Variants in GSE1 observed in about 807,000 individuals in gnomAD.
The protein encoded by GSE1 is Gse1 coiled-coil protein.
GSE1 carries 32 observed loss-of-function variants against 112.6 expected under a neutral mutation model. The ratio of observed to expected loss-of-function variants is 0.28; its 90% CI spans 0.21 to 0.38. The LOEUF is 0.38. Ranked by LOEUF, GSE1 falls within the 10% of genes least tolerant of loss-of-function variation. The pLI, the probability that GSE1 is intolerant of heterozygous loss-of-function variation, is 1.00. For synonymous variants in GSE1, 1,115 were observed against 735.6 expected (o/e 1.52, Z -8.35); for missense variants, 2,348 against 1,699.2 (o/e 1.38, Z -6.71).
intron 2 of GSE1, among the ~76,000 whole-genome samples, chr16:85,444,145 C>T (rs2049450250): frequency 6.6e-6 from 1 of 152,074 alleles, no homozygotes; most frequent in Non-Finnish European, 1.5e-5. Context: ...CCACCAAGTC[C>T]AGCTAATTTT....
At position 85,408,004 on chromosome 16, in the gene GSE1, T is replaced by C. The variant is rs370187698; in HGVS notation, c.2464+50361T>C. 3.4e-3 allele frequency among the ~76,000 whole-genome samples: 136 copies of C among 40,472 alleles called. 3 individuals carry two copies. The highest frequency in any genetic ancestry group is 7.3e-3 in the African/African-American group (61 of 8,350). 26.6% of individuals were successfully genotyped at this position (40,472 alleles called of 152,430 possible). A position where few individuals can be genotyped will look rare whatever the true frequency, so the allele number is the denominator to read the frequency against. The stretch of plus-strand genomic sequence containing the variant: ...CCTCACTGTTACACTCAGGGCCCCC[T>C]GGATAATCCTCACTGTTACACTCAG... On this transcript the variant is annotated intron_variant, in intron 2 of 2. Transcript: ENST00000637419.
intron 1 of GSE1, among the ~76,000 whole-genome samples, chr16:85,300,922 G>T (rs1205412322): frequency 6.6e-6 from 1 of 152,204 alleles, no homozygotes; most frequent in Non-Finnish European, 1.5e-5. Context: ...TGGGGGGAGT[G>T]GGGACTGGGG....
intron 1 of GSE1, among the ~76,000 whole-genome samples, chr16:85,238,666 G>A (rs905075452): frequency 2.7e-4 from 41 of 152,202 alleles, no homozygotes; most frequent in Admixed American, 2.5e-3. Flanking sequence ...GGCTCCAGGC[G>A]GCTTGCCGCA....
chr16:85,336,363 C>A (rs541199564), intron 1 of GSE1, among the ~76,000 whole-genome samples: 17 of 152,340 alleles, frequency 1.1e-4, no homozygotes, highest in African/African-American at 3.6e-4. Context: ...AAGGAGCTCC[C>A]GGCCTAAGCA....
chr16:85,478,270 T>C (rs1375519514), intron 2 of GSE1, among the ~76,000 whole-genome samples: 1 of 152,088 alleles, frequency 6.6e-6, no homozygotes, highest in Non-Finnish European at 1.5e-5. Flanking sequence ...CTCATGCCTG[T>C]CATCGCAGCA....
intron 2 of GSE1, among the ~76,000 whole-genome samples, chr16:85,644,341 CT>C (rs2050681457): frequency 8.9e-6 from 1 of 112,912 alleles, no homozygotes; most frequent in African/African-American, 3.8e-5. Context: ...GAGATCCTGT[CT>C]CAAAAAAAAA....
At chr16:85,497,432 C>T (rs926996331) in intron 2 of GSE1, among the ~76,000 whole-genome samples, 4 of 152,204 alleles carry the variant, frequency 2.6e-5, no homozygotes, top group African/African-American at 9.7e-5. Context: ...TCCAGGGGCC[C>T]ACGGGATGGT....
chr16:85,601,718 CACA>C (rs1343229881), intron 1 of GSE1, among the ~76,000 whole-genome samples: 2 of 152,168 alleles, frequency 1.3e-5, no homozygotes, highest in Admixed American at 6.5e-5. Flanking sequence ...AGGACATAAA[CACA>C]ACAAGAGCCG....
In GSE1 at chr16:85,613,363, C is replaced by A; in HGVS notation, c.-29C>A. 1 of 1,569,644 alleles carries A rather than the reference C, an allele frequency of 6.4e-7. No homozygotes were observed. The highest frequency in any genetic ancestry group is 1.8e-5 in the Admixed American group (1 of 54,346). ...GGGCGACGGTGGCTCCAGCATGTAT[C>A]AGCCGAGGTGGAGCTGCGGGGCCCT... On this transcript the variant is annotated 5_prime_UTR_variant, in exon 1 of 16. Transcript: ENST00000253458.
At chr16:85,300,304 G>A (rs530822478) in intron 1 of GSE1, among the ~76,000 whole-genome samples, 5 of 152,246 alleles carry the variant, frequency 3.3e-5, no homozygotes, top group African/African-American at 1.2e-4. Context: ...GAGCCACTGC[G>A]CCCAGCCCAT....
chr16:85,518,207 T>TG (rs1416376959), intron 2 of GSE1, among the ~76,000 whole-genome samples: 1 of 152,172 alleles, frequency 6.6e-6, no homozygotes, highest in Non-Finnish European at 1.5e-5. Flanking sequence ...GACGCCTTGG[T>TG]GGGGGGCTTT....
At chr16:85,345,009 C>A (rs2046704260) in intron 1 of GSE1, among the ~76,000 whole-genome samples, 1 of 152,270 alleles carries the variant, frequency 6.6e-6, no homozygotes, top group Non-Finnish European at 1.5e-5. Flanking sequence ...ACAGGCCCTC[C>A]TCCCTGACGG....
intron 13 of GSE1, 103 bp from the exon 14 acceptor site, chr16:85,668,021 TCCCCGGAGCCCTGCAG>T (rs2053018903): frequency 1.3e-6 from 1 of 744,534 alleles, no homozygotes; most frequent in Admixed American, 2.5e-5. Flanking sequence ...GTCATCTTGG[TCCCCGGAGCCCTGCAG>T]TCATGTTGAC....
At chr16:85,652,767 C>T (rs1303187965) in intron 3 of GSE1, among the ~76,000 whole-genome samples, 1 of 152,312 alleles carries the variant, frequency 6.6e-6, no homozygotes, top group South Asian at 2.1e-4. Context: ...AGATGCTTCT[C>T]CACGGTGGGG....
At chr16:85,669,521 G>GA (rs2053155746) in intron 14 of GSE1, among the ~76,000 whole-genome samples, 1 of 152,062 alleles carries the variant, frequency 6.6e-6, no homozygotes. Flanking sequence ...TCCTCCCGTG[G>GA]AATCTTTGAG....
At chr16:85,555,810 T>A, upstream of GSE1, 22 of 963,154 alleles carry the variant, frequency 2.3e-5, no homozygotes, top group Non-Finnish European at 2.6e-5. Flanking sequence ...GGCTGTTTTT[T>A]TTTTCTTTCC....
intron 2 of GSE1, among the ~76,000 whole-genome samples, chr16:85,503,870 C>G (rs1355846037): frequency 1.3e-5 from 2 of 152,168 alleles, no homozygotes; most frequent in Non-Finnish European, 2.9e-5. Context: ...CATATTATGC[C>G]AGGGACGGAA....
chr16:85,188,303 A>G (rs1379969142), intron 1 of GSE1, among the ~76,000 whole-genome samples: 1 of 152,204 alleles, frequency 6.6e-6, no homozygotes. Flanking sequence ...TCATCTGTAT[A>G]TGGGAATTAC....
chr16:85,184,977 T>C (rs1274781574), intron 1 of GSE1: 2 of 152,262 alleles, frequency 1.3e-5, no homozygotes, highest in Non-Finnish European at 2.9e-5. Flanking sequence ...TCTAGGTCAT[T>C]AACTTTTTTT....
Sources: gnomAD v4.1 joint callset for allele counts (sites outside exome capture counted in the v4.1 genomes callset) on GRCh38, gnomAD v4.1.1 for gene constraint, MANE v1.5 for transcripts, NCBI Gene and HGNC (gene_info 2026-07-23, HGNC 2026-07-21) for gene names.